The following GLRA1 variants were observed in gnomAD, a reference collection of about 807,000 sequenced individuals.
The protein encoded by GLRA1 is glycine receptor alpha 1.
A neutral mutation model predicts 48.3 loss-of-function variants in GLRA1; 37 were observed. The ratio of observed to expected loss-of-function variants is 0.77; its 90% confidence interval spans 0.59 to 1.01. The LOEUF is 1.01. Ranked by LOEUF, GLRA1 falls within the 50% of genes least tolerant of loss-of-function variation. The pLI is 0.00. For missense variants in GLRA1, 427 were observed against 571.0 expected, an observed-to-expected ratio of 0.75 and a Z score of 2.57; for synonymous variants, 196 against 210.7, an observed-to-expected ratio of 0.93 and a Z score of 0.60.
At chr5:151,861,379 C>G (rs1334764711) in intron 3 of GLRA1, among the ~76,000 whole-genome samples, 2 of 152,218 alleles carry the variant, frequency 1.3e-5, no homozygotes, top group Non-Finnish European at 2.9e-5. Context: ...CACATCCTCT[C>G]CAGCACCTGT....
intron 7 of GLRA1, among the ~76,000 whole-genome samples, chr5:151,847,710 A>G (rs1752714905): frequency 6.6e-6 from 1 of 151,498 alleles, no homozygotes; most frequent in South Asian, 2.1e-4. Flanking sequence ...TGGGCAACGG[A>G]GTGAGACTTC....
chr5:151,915,797 G>T (rs997122942), intron 1 of GLRA1, among the ~76,000 whole-genome samples: 3 of 151,680 alleles, frequency 2.0e-5, no homozygotes, highest in African/African-American at 7.3e-5. Context: ...TTATCAAAGG[G>T]GATCTCAGGC....
intron 7 of GLRA1, among the ~76,000 whole-genome samples, chr5:151,838,491 A>C (rs1389371815): frequency 1.3e-5 from 2 of 152,132 alleles, no homozygotes; most frequent in East Asian, 3.9e-4. Flanking sequence ...GATAAAGAAG[A>C]ACCAAATAGA....
intron 1 of GLRA1, among the ~76,000 whole-genome samples, chr5:151,903,060 G>A (rs1238678681): frequency 1.3e-5 from 2 of 152,138 alleles, no homozygotes; most frequent in African/African-American, 4.8e-5. Flanking sequence ...CTATACTAGT[G>A]CAATCTCAGA....
chr5:151,865,283 A>T (rs1458057603), intron 3 of GLRA1, among the ~76,000 whole-genome samples: 2 of 152,222 alleles, frequency 1.3e-5, no homozygotes, highest in Admixed American at 6.5e-5. Context: ...TAGGGAATAT[A>T]GAAGACAGGT....
intron 1 of GLRA1, among the ~76,000 whole-genome samples, chr5:151,912,473 A>T (rs1317890531): frequency 6.6e-6 from 1 of 152,208 alleles, no homozygotes; most frequent in African/African-American, 2.4e-5. Flanking sequence ...GAGTTTGGAC[A>T]TGCCCTGTCA....
chr5:151,837,121 G>GA (rs1763598239), intron 7 of GLRA1, among the ~76,000 whole-genome samples: 1 of 151,976 alleles, frequency 6.6e-6, no homozygotes. Context: ...AAATTTATAA[G>GA]AAAAACAACC....
chr5:151,836,933 T>C (rs1763592551), intron 7 of GLRA1, among the ~76,000 whole-genome samples: 1 of 152,034 alleles, frequency 6.6e-6, no homozygotes, highest in Non-Finnish European at 1.5e-5. Flanking sequence ...AAAGCCAAAA[T>C]TGACAAATGG....
rs546399878 is a variant in GLRA1 at position 151,845,601 on chromosome 5, G to A, written c.912+5789C>T. Among the ~76,000 whole-genome samples, 15 of 152,304 alleles carry A rather than the reference G, an allele frequency of 9.8e-5. No individual in the cohort carries two copies. The East Asian group carries it at 1.9e-3, about 20-fold the overall frequency. On this transcript the variant is annotated intron_variant, in intron 7 of 8. Coordinates refer to ENST00000274576, the MANE Select transcript of GLRA1 (RefSeq NM_000171.4). Reference sequence around the variant, plus strand: ...TATATGTTTGTGAAGATGTGCAGACGTTGGAACCCTGGTGGGATCATAAAA... The same window carrying A: ...TATATGTTTGTGAAGATGTGCAGACATTGGAACCCTGGTGGGATCATAAAA...
chr5:151,903,194 T>G (rs1426742840), intron 1 of GLRA1, among the ~76,000 whole-genome samples: 1 of 152,120 alleles, frequency 6.6e-6, no homozygotes, highest in Non-Finnish European at 1.5e-5. Flanking sequence ...TCTTCAAGTA[T>G]CCAAAGACTA....
In GLRA1 at chr5:151,901,148, G is replaced by A. The variant is rs374979510; in HGVS notation, c.57-8710C>T. Among the ~76,000 whole-genome samples the A allele has an allele frequency of 3.3e-5, 5 of 152,208 alleles. No homozygotes were observed. The South Asian group carries it at 6.2e-4, about 19-fold the overall frequency. ...TCTTTCAGTGGTATTCACACGAAATGTCTTGGACCACTGGCCTAGGTCAAA... is the reference window on the plus strand; with the variant it reads ...TCTTTCAGTGGTATTCACACGAAATATCTTGGACCACTGGCCTAGGTCAAA... On this transcript the variant is annotated intron_variant, in intron 1 of 8. Transcript: ENST00000274576.
At chr5:151,906,069 C>T (rs1027722611) in intron 1 of GLRA1, among the ~76,000 whole-genome samples, 2 of 152,040 alleles carry the variant, frequency 1.3e-5, no homozygotes, top group African/African-American at 4.8e-5. Context: ...CGTTTATTAG[C>T]GGGTTCTGAT....
In GLRA1 at chr5:151,924,604, A is replaced by G. The variant is rs368269982; in HGVS notation, c.-55T>C. The stretch of plus-strand genomic sequence containing the variant: ...GAGTTATGGGGGCAAAAATGTTTCA[A>G]ATTGGCACTTACAAAACCAGAAAGC... On this transcript the variant is annotated 5_prime_UTR_variant, in exon 1 of 9. Coordinates refer to ENST00000274576, the MANE Select transcript of GLRA1 (RefSeq NM_000171.4). 202 of 1,076,742 alleles carry G rather than the reference A, an allele frequency of 1.9e-4. No individual in the cohort carries two copies. Among genetic ancestry groups the G allele is most frequent in the Non-Finnish European group, 2.7e-4 (184 of 689,090 alleles). 66.7% of individuals were successfully genotyped at this position (1,076,742 alleles called of 1,614,324 possible).
intron 1 of GLRA1, among the ~76,000 whole-genome samples, chr5:151,895,612 G>GGTGT (rs1210697620): frequency 1.4e-5 from 2 of 142,016 alleles, no homozygotes; most frequent in African/African-American, 5.3e-5. Flanking sequence ...CTTGCAGCAT[G>GGTGT]GTGTGTGTGT....
intron 3 of GLRA1, among the ~76,000 whole-genome samples, chr5:151,861,530 G>A (rs1292089422): frequency 6.6e-6 from 1 of 152,160 alleles, no homozygotes; most frequent in Non-Finnish European, 1.5e-5. Flanking sequence ...GTCTTCTTTT[G>A]AGAATTGTCT....
chr5:151,825,392 C>A (rs1258883114), intron 8 of GLRA1, among the ~76,000 whole-genome samples: 1 of 152,124 alleles, frequency 6.6e-6, no homozygotes, highest in Non-Finnish European at 1.5e-5. Context: ...GTGAATTATT[C>A]TTTGCCTTTC....
At chr5:151,884,757 A>G (rs57501811) in intron 3 of GLRA1, among the ~76,000 whole-genome samples, 1 of 152,204 alleles carries the variant, frequency 6.6e-6, no homozygotes, top group Non-Finnish European at 1.5e-5. Context: ...TTACAGAACC[A>G]GGTGGTCCAC....
intron 7 of GLRA1, chr5:151,848,827 C>T: frequency 2.0e-6 from 1 of 506,266 alleles, no homozygotes. Flanking sequence ...CTCCTCACCT[C>T]ACTCTCATGG....
At chr5:151,827,735 A>G (rs1763313824) in intron 8 of GLRA1, among the ~76,000 whole-genome samples, 1 of 152,180 alleles carries the variant, frequency 6.6e-6, no homozygotes, top group South Asian at 2.1e-4. Context: ...TAAAGCTTGT[A>G]GGACCTGGCA....
Sources: gnomAD v4.1 joint callset for allele counts (sites outside exome capture counted in the v4.1 genomes callset) on GRCh38, gnomAD v4.1.1 for gene constraint, MANE v1.5 for transcripts, NCBI Gene and HGNC (gene_info 2026-07-23, HGNC 2026-07-21) for gene names.